The following ANK3 variants were observed in gnomAD, a reference collection of about 807,000 sequenced individuals.
ANK3 encodes ankyrin-3.
In ANK3, 57 loss-of-function variants were observed where a neutral mutation model predicts 370.9. The observed-to-expected ratio is 0.15, with a 90% CI of 0.12 to 0.19. The LOEUF (loss-of-function observed/expected upper bound fraction) is 0.19. Ranked by LOEUF, ANK3 falls within the 10% of genes least tolerant of loss-of-function variation. ANK3 has a pLI of 1.00. For synonymous variants in ANK3, 1,929 were observed against 1,946.3 expected, an observed-to-expected ratio of 0.99 and a Z score of 0.23; for missense variants, 4,439 against 5,302.1, an observed-to-expected ratio of 0.84 and a Z score of 5.06.
At chr10:60,153,361 T>C (rs1484287648) in intron 23 of ANK3, among the ~76,000 whole-genome samples, 2 of 152,064 alleles carry the variant, frequency 1.3e-5, no homozygotes, top group African/African-American at 4.8e-5. Context: ...TGTGGTGGCC[T>C]GGATGGGGGT....
intron 2 of ANK3, among the ~76,000 whole-genome samples, chr10:60,406,003 A>G (rs1487739707): frequency 6.6e-6 from 1 of 152,182 alleles, no homozygotes; most frequent in Non-Finnish European, 1.5e-5. Flanking sequence ...TTTTTGTAAC[A>G]CTGTACATTA....
intron 2 of ANK3, among the ~76,000 whole-genome samples, chr10:60,409,670 T>C (rs2063521217): frequency 6.6e-6 from 1 of 152,146 alleles, no homozygotes; most frequent in Non-Finnish European, 1.5e-5. Context: ...TCTCCCACTC[T>C]GTACTCTCTG....
chr10:60,318,868 T>G (rs2048031371), intron 1 of ANK3, among the ~76,000 whole-genome samples: 1 of 152,192 alleles, frequency 6.6e-6, no homozygotes, highest in African/African-American at 2.4e-5. Flanking sequence ...GCTATGATAA[T>G]TTATGGAAGA....
intron 8 of ANK3, among the ~76,000 whole-genome samples, chr10:60,216,593 C>A (rs988111854): frequency 3.9e-5 from 6 of 152,142 alleles, no homozygotes; most frequent in Non-Finnish European, 8.8e-5. Context: ...GTTGAACCAG[C>A]CTTGCATCCC....
At position 60,069,831 on chromosome 10, in the gene ANK3, G is replaced by C. The variant is rs1410781769; in HGVS notation, c.11050C>G (p.Pro3684Ala). The change falls in exon 37 of 44, where the codon CCC (proline) becomes GCC (alanine). Residue 3684 changes from proline (P) to alanine (A), a missense_variant. Pro to Ala is a conservative substitution (Grantham distance 27). Around this residue, in one of 13 missense-constraint regions of ANK3, gnomAD observed 496 missense variants for 529.3 expected, o/e 0.94. Transcript: ENST00000280772. ...NVETPTVEPNPSIPTSGECQE... is the reference protein window; with the variant it reads ...NVETPTVEPNASIPTSGECQE... ...CACTCTCCGCTGGTCGGGATGCTGGGGTTAGGTTCCACTGTAGGTGTCTCT... is the reference window on the plus strand; with the variant it reads ...CACTCTCCGCTGGTCGGGATGCTGGCGTTAGGTTCCACTGTAGGTGTCTCT... 2 of 1,613,966 alleles carry C rather than the reference G, an allele frequency of 1.2e-6. No individual in the cohort carries two copies. The highest frequency in any genetic ancestry group is 1.7e-5 in the Admixed American group (1 of 59,986).
intron 2 of ANK3, among the ~76,000 whole-genome samples, chr10:60,527,057 G>A (rs2076490794): frequency 6.6e-6 from 1 of 151,908 alleles, no homozygotes; most frequent in African/African-American, 2.4e-5. Context: ...TAAATATATA[G>A]ATATTGGAGA....
At chr10:60,338,699 C>T (rs2053585097) in intron 1 of ANK3, among the ~76,000 whole-genome samples, 1 of 152,088 alleles carries the variant, frequency 6.6e-6, no homozygotes, top group South Asian at 2.1e-4. Flanking sequence ...GCTGAAAGTT[C>T]TCCCCTTTGA....
At chr10:60,212,644 C>T (rs2096874987) in intron 9 of ANK3, among the ~76,000 whole-genome samples, 1 of 152,064 alleles carries the variant, frequency 6.6e-6, no homozygotes. Context: ...GTCTAGCCTT[C>T]CTAATATTGT....
At chr10:60,300,230 C>T in intron 1 of ANK3, 11 of 768,212 alleles carry the variant, frequency 1.4e-5, no homozygotes, top group Non-Finnish European at 2.1e-5. Context: ...TACCCAGCAA[C>T]AAACATTTTT....
intron 42 of ANK3, among the ~76,000 whole-genome samples, chr10:60,055,345 C>T (rs1373704399): frequency 6.6e-6 from 1 of 152,160 alleles, no homozygotes; most frequent in African/African-American, 2.4e-5. Context: ...AATACTGGGT[C>T]TTAAACTAGT....
chr10:60,354,763 TAGA>T (rs2057456517), intron 1 of ANK3, among the ~76,000 whole-genome samples: 1 of 152,220 alleles, frequency 6.6e-6, no homozygotes, highest in Non-Finnish European at 1.5e-5. Context: ...TATCCTATTT[TAGA>T]AGAACTACCC....
intron 1 of ANK3, among the ~76,000 whole-genome samples, chr10:60,314,363 A>G (rs947425109): frequency 2.6e-5 from 4 of 152,202 alleles, no homozygotes; most frequent in African/African-American, 9.6e-5. Flanking sequence ...AAATCACTCA[A>G]GGGCTCTTTA....
In ANK3 at chr10:60,565,819, C is replaced by T. The variant is rs114133777; in HGVS notation, c.96+49367G>A. On this transcript the variant is annotated intron_variant, in intron 2 of 43. Transcript: ENST00000373827. ...ATCCTCCAAATGGAAGTTACCACTC[C>T]CTCCTTTCTGCCACCAATAAAGCCT... Among the ~76,000 whole-genome samples the T allele has an allele frequency of 2.4e-3, 371 of 152,294 alleles. 4 individuals are homozygous for T. The highest frequency in any genetic ancestry group is 8.1e-3 in the African/African-American group (336 of 41,574).
intron 1 of ANK3, among the ~76,000 whole-genome samples, chr10:60,719,141 C>T (rs1442538): frequency 0.01 from 1,577 of 152,090 alleles, 30 homozygotes; most frequent in African/African-American, 0.036. Flanking sequence ...ATACTCACTG[C>T]TTGGTAACTT....
At chr10:60,724,925 G>A (rs1589081805) in intron 1 of ANK3, among the ~76,000 whole-genome samples, 1 of 152,124 alleles carries the variant, frequency 6.6e-6, no homozygotes, top group African/African-American at 2.4e-5. Flanking sequence ...TCACCATCCA[G>A]AGGGTTGAGT....
chr10:60,151,636 G>A (rs375750575), intron 23 of ANK3, among the ~76,000 whole-genome samples: 1 of 152,102 alleles, frequency 6.6e-6, no homozygotes, highest in Non-Finnish European at 1.5e-5. Flanking sequence ...CATGCTTCTT[G>A]TACAGCCTGC....
At chr10:60,356,898 G>A (rs1566814372) in intron 1 of ANK3, among the ~76,000 whole-genome samples, 1 of 152,192 alleles carries the variant, frequency 6.6e-6, no homozygotes, top group East Asian at 1.9e-4. Context: ...TAGTAGAGAT[G>A]GGGTTTTGCC....
Position 60,689,979 on chromosome 10 carries a change from T to C in ANK3, c.57+43284A>G, listed in dbSNP as rs2079327883. ...AACATGCCATTGTAGTATACAAACATGCTTGAGAATAGCAAATTTCAACTT... is the reference window on the plus strand; with the variant it reads ...AACATGCCATTGTAGTATACAAACACGCTTGAGAATAGCAAATTTCAACTT... On this transcript the variant is annotated intron_variant, in intron 1 of 43. Transcript: ENST00000373827. Among the ~76,000 whole-genome samples the C allele has an allele frequency of 2.6e-5, 4 of 152,324 alleles. No individual in the cohort carries two copies. In the South Asian group the frequency reaches 8.3e-4, roughly 32 times the overall value.
intron 2 of ANK3, among the ~76,000 whole-genome samples, chr10:60,536,232 G>C (rs967350807): frequency 5.9e-5 from 9 of 152,002 alleles, no homozygotes; most frequent in African/African-American, 2.2e-4. Flanking sequence ...GGTGATCACT[G>C]ATTTTATAAT....
Sources: gnomAD v4.1 joint callset for allele counts (sites outside exome capture counted in the v4.1 genomes callset) on GRCh38, gnomAD v4.1.1 for gene constraint, gnomAD v4.1.1 regional missense constraint, MANE v1.5 for transcripts, NCBI Gene and HGNC (gene_info 2026-07-23, HGNC 2026-07-21) for gene names.